Variants in CFAP47 observed in about 807,000 individuals in gnomAD.
CFAP47 encodes cilia and flagella associated protein 47.
A neutral mutation model predicts 148.1 loss-of-function variants in CFAP47; 29 were observed. That is an observed-to-expected ratio of 0.20 (90% CI 0.15 to 0.27). CFAP47 has a LOEUF of 0.27. Among genes scored for constraint, CFAP47 ranks in the 10% least tolerant of loss-of-function variants. The pLI is 1.00. For synonymous variants in CFAP47, 664 were observed against 577.3 expected (o/e 1.15, Z -2.15); for missense variants, 1,872 against 1,697.5 (o/e 1.10, Z -1.81).
At chrX:36,163,491 T>G (rs931374169) in intron 39 of CFAP47, among the ~76,000 whole-genome samples, 1 of 108,026 alleles carries the variant, frequency 9.3e-6, no homozygotes, top group African/African-American at 3.3e-5. Context: ...AAATTTAGAT[T>G]ATTATTATGA....
chrX:36,379,643 A>G, intron 63 of CFAP47, 125 bp downstream of exon 63: 1 of 519,400 alleles, frequency 1.9e-6, no homozygotes, highest in East Asian at 3.8e-5. Context: ...TGCAAAAATC[A>G]ACTTATCTCA....
chrX:36,137,832 A>G (rs1156857785), intron 33 of CFAP47, 126 bp from the exon 34 acceptor site: 11 of 349,533 alleles, frequency 3.1e-5, no homozygotes, highest in Non-Finnish European at 5.5e-5. Context: ...TTTATTTCCA[A>G]TATAATATAC....
intron 62 of CFAP47, among the ~76,000 whole-genome samples, chrX:36,373,406 T>G (rs1411896853): frequency 9.0e-6 from 1 of 111,272 alleles, no homozygotes; most frequent in Non-Finnish European, 1.9e-5. Flanking sequence ...TCAGTGTTAC[T>G]GAGATTATGT....
At chrX:36,363,245 G>A (rs1320348915) in intron 61 of CFAP47, among the ~76,000 whole-genome samples, 1 of 111,426 alleles carries the variant, frequency 9.0e-6, no homozygotes, top group Non-Finnish European at 1.9e-5. Flanking sequence ...ACAAAGATAT[G>A]TTCTGAGAAA....
rs113316679 is a variant in CFAP47, at chrX:36,074,808, TGATGACC to T, written c.4691+1445_4691+1451del. 9.4e-3 allele frequency among the ~76,000 whole-genome samples: 1,048 copies of T among 111,767 alleles called. 8 individuals carry two copies. The highest frequency in any genetic ancestry group is 0.032 in the African/African-American group (991 of 30,769). The stretch of plus-strand genomic sequence containing the variant: ...CTCGGGTCCCTCAACCTTCAGCCTC[TGATGACC>T]ACCATTTCACTCTCAGCTTCAATGA... On this transcript the variant is annotated intron_variant, in intron 29 of 63. Transcript: ENST00000378653.
At chrX:36,129,238 T>G (rs776238598) in intron 33 of CFAP47, among the ~76,000 whole-genome samples, 108 of 111,154 alleles carry the variant, frequency 9.7e-4, no homozygotes, top group African/African-American at 3.4e-3. Context: ...AGCACAAAAT[T>G]ATTCATAAAT....
chrX:36,192,481 G>A (rs1398458235), intron 42 of CFAP47, among the ~76,000 whole-genome samples: 2 of 111,766 alleles, frequency 1.8e-5, no homozygotes, highest in African/African-American at 6.5e-5. Context: ...TGTCTGTAGT[G>A]TCTAGCATGT....
intron 39 of CFAP47, among the ~76,000 whole-genome samples, chrX:36,175,886 C>T (rs1810946458): frequency 8.8e-6 from 1 of 113,274 alleles, no homozygotes; most frequent in South Asian, 3.5e-4. Context: ...ATGGCGGGCG[C>T]CCCTCCCCCA....
intron 39 of CFAP47, among the ~76,000 whole-genome samples, chrX:36,170,981 T>C (rs186940783): frequency 1.8e-5 from 2 of 110,597 alleles, no homozygotes; most frequent in East Asian, 5.7e-4. Flanking sequence ...TTTTTAATGA[T>C]TGCCATTCTA....
At chrX:36,265,024 T>G (rs895132775) in intron 49 of CFAP47, among the ~76,000 whole-genome samples, 3 of 112,112 alleles carry the variant, frequency 2.7e-5, no homozygotes, top group Admixed American at 9.4e-5. Context: ...TTAATAAGAC[T>G]TCTTCCTGTG....
rs781336887 is a variant in CFAP47 at position 35,959,890 on chromosome X, A to C, written c.1410+3694A>C. On this transcript the variant is annotated intron_variant, in intron 8 of 63. Transcript: ENST00000378653. Reference sequence around the variant, plus strand: ...TGAGACTCCGTCTCAAAAAAAAAAAAAAAAAAAAAAACTATTTGTTATTTT... The same window carrying C: ...TGAGACTCCGTCTCAAAAAAAAAAACAAAAAAAAAAACTATTTGTTATTTT... 6.9e-4 allele frequency among the ~76,000 whole-genome samples: 75 copies of C among 109,141 alleles called. 1 individual carries two copies. In the South Asian group the frequency reaches 0.013, roughly 19 times the overall value. The allele number at this position is 109,141 out of a possible 115,157, so 94.8% of individuals were successfully genotyped here.
chrX:36,057,223 A>C (rs185462184), intron 26 of CFAP47, among the ~76,000 whole-genome samples: 1 of 111,893 alleles, frequency 8.9e-6, no homozygotes, highest in African/African-American at 3.2e-5. Context: ...GGCTAGACAT[A>C]ATGAGTAAGA....
intron 33 of CFAP47, among the ~76,000 whole-genome samples, chrX:36,129,661 T>C (rs1182325528): frequency 2.7e-5 from 3 of 111,420 alleles, no homozygotes; most frequent in Admixed American, 1.9e-4. Flanking sequence ...CTGAAATTAC[T>C]AGCAAATGGA....
chrX:36,364,943 T>TATACAC (rs1304339120), intron 61 of CFAP47, among the ~76,000 whole-genome samples: 1 of 73,589 alleles, frequency 1.4e-5, no homozygotes, highest in African/African-American at 4.2e-5. Context: ...TATATATATA[T>TATACAC]ACACACACAC....
chrX:36,007,066 T>C (rs188920596), intron 21 of CFAP47, among the ~76,000 whole-genome samples: 3 of 112,028 alleles, frequency 2.7e-5, no homozygotes, highest in African/African-American at 9.7e-5. Context: ...GGTTCTGCCC[T>C]GAAGCATAGG....
chrX:36,361,469 C>T lies in CFAP47; in HGVS notation c.8991C>T (p.Phe2997=). Residue 2997 remains phenylalanine (F), a synonymous_variant, in exon 61 of 64, where the codon TTC becomes TTT. Coordinates refer to ENST00000378653, the MANE Select transcript of CFAP47 (RefSeq NM_001304548.2). ...DIMAKRITFI[F]NLVFTPKKPL... is the part of the protein sequence containing the mutation. ...TGGCTAAAAGGATAACATTTATCTT[C>T]AATCTGGTATTCACACCAAAGAAAC... 1 of 1,077,618 alleles carries T rather than the reference C, an allele frequency of 9.3e-7. No homozygotes were observed. The allele number at this position is 1,077,618 out of a possible 1,213,427, so 88.8% of individuals were successfully genotyped here. A position where few individuals can be genotyped will look rare whatever the true frequency, so the allele number is the denominator to read the frequency against.
intron 26 of CFAP47, among the ~76,000 whole-genome samples, chrX:36,054,240 C>T (rs1269671407): frequency 8.9e-6 from 1 of 112,018 alleles, no homozygotes; most frequent in African/African-American, 3.2e-5. Context: ...AGTTTCTCAC[C>T]TATTTGTAAA....
chrX:36,117,260 G>A (rs1187495553), intron 33 of CFAP47, among the ~76,000 whole-genome samples: 1 of 111,401 alleles, frequency 9.0e-6, no homozygotes, highest in Non-Finnish European at 1.9e-5. Flanking sequence ...CTTGTTTTGG[G>A]TATATATCCA....
intron 39 of CFAP47, among the ~76,000 whole-genome samples, chrX:36,172,652 C>G (rs1321406887): frequency 9.0e-6 from 1 of 111,145 alleles, no homozygotes; most frequent in Admixed American, 9.6e-5. Context: ...ATGAAGCCCA[C>G]TTGATCATGG....
Sources: allele counts gnomAD v4.1 joint callset (sites outside exome capture counted in the v4.1 genomes callset), GRCh38; gene constraint gnomAD v4.1.1; transcripts MANE v1.5; gene names NCBI Gene and HGNC (gene_info 2026-07-23, HGNC 2026-07-21).